The following MAGI2 variants were observed in gnomAD, a reference collection of about 807,000 sequenced individuals.
MAGI2 encodes the protein membrane associated guanylate kinase, WW and PDZ domain containing 2.
Under a neutral mutation model 133.3 loss-of-function variants are expected in MAGI2, and 35 were observed. The observed-to-expected ratio is 0.26, with a 90% CI of 0.20 to 0.35. The LOEUF (loss-of-function observed/expected upper bound fraction) is 0.35, where lower values mean the gene tolerates loss of function less well. Ranked by LOEUF, MAGI2 falls within the 10% of genes least tolerant of loss-of-function variation. MAGI2 has a pLI of 1.00. For missense variants in MAGI2, 1,636 were observed against 1,863.4 expected (o/e 0.88, Z 2.25); for synonymous variants, 729 against 710.6 (o/e 1.03, Z -0.41).
At chr7:79,391,638 T>C (rs565063017) in intron 1 of MAGI2, among the ~76,000 whole-genome samples, 5 of 150,122 alleles carry the variant, frequency 3.3e-5, no homozygotes, top group Non-Finnish European at 7.4e-5. Flanking sequence ...TGTGCTATAG[T>C]GGTTTGCTGC....
chr7:79,332,033 T>A (rs988027804), intron 1 of MAGI2, among the ~76,000 whole-genome samples: 1 of 152,188 alleles, frequency 6.6e-6, no homozygotes, highest in Non-Finnish European at 1.5e-5. Context: ...GCACTTTATA[T>A]GTGACAGGGG....
intron 4 of MAGI2, among the ~76,000 whole-genome samples, chr7:78,513,904 C>T (rs1795816331): frequency 6.6e-6 from 1 of 151,888 alleles, no homozygotes; most frequent in Admixed American, 6.6e-5. Flanking sequence ...GCCTGACCAA[C>T]ATGGTGAAAC....
intron 1 of MAGI2, among the ~76,000 whole-genome samples, chr7:79,329,870 A>C (rs1248825431): frequency 1.3e-5 from 2 of 152,206 alleles, no homozygotes; most frequent in African/African-American, 2.4e-5. Flanking sequence ...ACCAAGATAG[A>C]AGGTCATCTT....
intron 2 of MAGI2, among the ~76,000 whole-genome samples, chr7:78,789,668 T>C (rs1042720023): frequency 2.0e-5 from 3 of 152,356 alleles, no homozygotes; most frequent in Admixed American, 6.5e-5. Context: ...ATCTATTGCC[T>C]CAAGTATTTA....
chr7:79,046,692 A>G (rs986455593), intron 1 of MAGI2, among the ~76,000 whole-genome samples: 4 of 152,230 alleles, frequency 2.6e-5, no homozygotes, highest in Non-Finnish European at 5.9e-5. Context: ...CCTCTGCCCA[A>G]CTTGCTTTTT....
intron 2 of MAGI2, among the ~76,000 whole-genome samples, chr7:78,970,571 T>C (rs536956365): frequency 6.6e-6 from 1 of 152,190 alleles, no homozygotes; most frequent in Admixed American, 6.5e-5. Context: ...CATTTTTTTT[T>C]CCTGAGTTGC....
At chr7:79,161,001 C>G (rs866652458) in intron 1 of MAGI2, among the ~76,000 whole-genome samples, 69 of 151,950 alleles carry the variant, frequency 4.5e-4, no homozygotes, top group Middle Eastern at 3.4e-3. Flanking sequence ...TCCTTTTCAC[C>G]AGAAAAGGTA....
chr7:78,049,722 A>G (rs1234421760), intron 21 of MAGI2, among the ~76,000 whole-genome samples: 1 of 152,214 alleles, frequency 6.6e-6, no homozygotes, highest in Non-Finnish European at 1.5e-5. Flanking sequence ...CCAAGAATAC[A>G]GTTGACGAGA....
At chr7:78,595,257 T>C (rs1174289638) in intron 3 of MAGI2, among the ~76,000 whole-genome samples, 1 of 152,066 alleles carries the variant, frequency 6.6e-6, no homozygotes, top group Non-Finnish European at 1.5e-5. Flanking sequence ...GGAGTCAGAG[T>C]AAAAACAAAT....
chr7:79,037,573 C>T (rs897933085), intron 1 of MAGI2, among the ~76,000 whole-genome samples: 3 of 151,960 alleles, frequency 2.0e-5, no homozygotes, highest in African/African-American at 7.3e-5. Flanking sequence ...CTTAGTTCCA[C>T]TAAGAGTAAT....
intron 17 of MAGI2, 59 bp from the exon 18 acceptor site, chr7:78,133,119 A>C: frequency 7.2e-7 from 1 of 1,392,802 alleles, no homozygotes; most frequent in Non-Finnish European, 9.6e-7. Flanking sequence ...AGGGGAAAGA[A>C]GTGACTAGAG....
chr7:78,437,522 C>A (rs774583790), intron 6 of MAGI2, among the ~76,000 whole-genome samples: 3 of 152,138 alleles, frequency 2.0e-5, no homozygotes, highest in African/African-American at 4.8e-5. Flanking sequence ...AGGAAATGGG[C>A]CTTGGTATTT....
chr7:79,445,875 A>G (rs1192598685), intron 1 of MAGI2, among the ~76,000 whole-genome samples: 1 of 152,228 alleles, frequency 6.6e-6, no homozygotes, highest in Non-Finnish European at 1.5e-5. Flanking sequence ...ACATATGTTT[A>G]TTGTGGCACT....
chr7:79,442,901 T>G (rs964130475), intron 1 of MAGI2, among the ~76,000 whole-genome samples: 6 of 152,112 alleles, frequency 3.9e-5, no homozygotes, highest in Admixed American at 3.3e-4. Flanking sequence ...GAAGAAACTT[T>G]GTCTAGCAAA....
chr7:78,382,856 T>C (rs934676235), intron 6 of MAGI2, among the ~76,000 whole-genome samples: 2 of 152,066 alleles, frequency 1.3e-5, no homozygotes, highest in East Asian at 1.9e-4. Flanking sequence ...TGAGGACATA[T>C]GATATTTGTC....
intron 1 of MAGI2, among the ~76,000 whole-genome samples, chr7:79,293,908 C>T (rs376260220): frequency 2.0e-5 from 3 of 152,250 alleles, no homozygotes; most frequent in East Asian, 3.9e-4. Context: ...AGAGGCTGGG[C>T]GTGGTGGCTC....
intron 2 of MAGI2, among the ~76,000 whole-genome samples, chr7:78,865,856 G>T (rs1002747385): frequency 6.6e-6 from 1 of 151,958 alleles, no homozygotes; most frequent in African/African-American, 2.4e-5. Flanking sequence ...AGGGAGGGAG[G>T]GTGGATAATT....
intron 1 of MAGI2, among the ~76,000 whole-genome samples, chr7:79,220,433 C>T (rs1339514018): frequency 6.6e-6 from 1 of 152,030 alleles, no homozygotes; most frequent in African/African-American, 2.4e-5. Flanking sequence ...CTTTATTTAT[C>T]ATTACATAAG....
chr7:78,185,498 A>T, intron 13 of MAGI2, 131 bp downstream of exon 13: 1 of 571,988 alleles, frequency 1.7e-6, no homozygotes, highest in African/African-American at 1.9e-5. Flanking sequence ...CCTTGAATAC[A>T]TGTTTTATGT....
Sources: gnomAD v4.1 joint callset for allele counts (sites outside exome capture counted in the v4.1 genomes callset) on GRCh38, gnomAD v4.1.1 for gene constraint, MANE v1.5 for transcripts, NCBI Gene and HGNC (gene_info 2026-07-23, HGNC 2026-07-21) for gene names.